VAV1: variants seen among roughly 807,000 people sequenced by gnomAD.
The protein encoded by VAV1 is vav guanine nucleotide exchange factor 1.
Under a neutral mutation model 128.1 loss-of-function variants are expected in VAV1, and 33 were observed. The ratio of observed to expected loss-of-function variants is 0.26; its 90% confidence interval spans 0.20 to 0.34. The LOEUF is 0.34. Ranked by LOEUF, VAV1 falls within the 10% of genes least tolerant of loss-of-function variation. The pLI, the probability that VAV1 is intolerant of heterozygous loss-of-function variation, is 1.00. For synonymous variants in VAV1, 394 were observed against 409.8 expected, an observed-to-expected ratio of 0.96 and a Z score of 0.47; for missense variants, 715 against 1,093.7, an observed-to-expected ratio of 0.65 and a Z score of 4.88.
chr19:6,826,667 G>T lies in VAV1; in HGVS notation c.883G>T (p.Asp295Tyr). 1 of 1,561,844 alleles carries T rather than the reference G, an allele frequency of 6.4e-7. No individual in the cohort carries two copies. Among genetic ancestry groups the T allele is most frequent in the South Asian group, 1.2e-5 (1 of 84,970 alleles). The change falls in exon 9 of 27, where the codon GAC (aspartate) becomes TAC (tyrosine). Residue 295 changes from aspartate (D) to tyrosine (Y), a missense_variant. This residue lies in a region of VAV1 where 302 missense variants were observed against 477.8 expected (regional missense o/e 0.63). Coordinates refer to ENST00000602142, the MANE Select transcript of VAV1 (RefSeq NM_005428.4). The surrounding 1 kb of genome is among the most constrained non-coding windows in gnomAD (Gnocchi z 4.1). The part of the protein sequence containing the change: ...SQVESASKHL[D>Y]RVAAAREDVQ... ...GGTGGAGTCAGCCAGCAAACACCTG[G>T]ACCGTGTGGCCGCAGCCCGGGAGGA...
rs767905021 is a variant in VAV1, at chr19:6,828,213, C to T, written c.1023+42C>T. The T allele has an allele frequency of 6.2e-7, 1 of 1,607,422 alleles. No individual in the cohort carries two copies. Among genetic ancestry groups the T allele is most frequent in the Non-Finnish European group, 8.5e-7 (1 of 1,174,940 alleles). ...TAGGCGTGGGCTCCACGTACCTACT[C>T]TCCTGTGTCTATAAAAGTGGGGACG... is the stretch of plus-strand genomic sequence containing the variant. On this transcript the variant is annotated intron_variant, in intron 10 of 26. Coordinates refer to ENST00000602142, the MANE Select transcript of VAV1 (RefSeq NM_005428.4). The surrounding 1 kb of genome is among the most constrained non-coding windows in gnomAD (Gnocchi z 4.5).
chr19:6,843,759 A>G (rs1239234921), intron 22 of VAV1, among the ~76,000 whole-genome samples: 1 of 152,112 alleles, frequency 6.6e-6, no homozygotes, highest in African/African-American at 2.4e-5. Context: ...GACTTTATAC[A>G]GCATTAGCTG....
intron 1 of VAV1, among the ~76,000 whole-genome samples, chr19:6,808,760 T>C (rs144402223): frequency 1.3e-5 from 2 of 152,354 alleles, no homozygotes; most frequent in Non-Finnish European, 2.9e-5. Context: ...ATATTTGTTA[T>C]TCCAATTAAT....
At chr19:6,815,086 T>G (rs1386685056) in intron 1 of VAV1, among the ~76,000 whole-genome samples, 2 of 152,096 alleles carry the variant, frequency 1.3e-5, no homozygotes, top group Non-Finnish European at 2.9e-5. Flanking sequence ...CAACAGAATC[T>G]ACCTAGAATT....
intron 9 of VAV1, among the ~76,000 whole-genome samples, chr19:6,827,831 C>G (rs188022427): frequency 1.3e-5 from 2 of 151,894 alleles, no homozygotes; most frequent in East Asian, 1.9e-4. Context: ...AACTCCTGAC[C>G]TCAAGTGATC....
intron 1 of VAV1, among the ~76,000 whole-genome samples, chr19:6,817,401 A>G (rs1971680242): frequency 6.6e-6 from 1 of 152,002 alleles, no homozygotes; most frequent in Admixed American, 6.6e-5. Flanking sequence ...GGCACAGAGT[A>G]GGGGTTGGCA....
intron 1 of VAV1, among the ~76,000 whole-genome samples, chr19:6,814,671 C>CCTTTCTTTCTTT (rs71177121): frequency 0.052 from 1,335 of 25,750 alleles, 129 homozygotes; most frequent in Middle Eastern, 0.087. Context: ...TTCCTTCCTT[C>CCTTTCTTTCTTT]CTTTCTTTCT....
intron 21 of VAV1, among the ~76,000 whole-genome samples, chr19:6,842,195 A>G (rs1002545716): frequency 6.6e-6 from 1 of 152,002 alleles, no homozygotes; most frequent in African/African-American, 2.4e-5. Context: ...GCGCCATTGC[A>G]CTCCAGCCTG....
chr19:6,796,851 C>A (rs1329635742), intron 1 of VAV1, among the ~76,000 whole-genome samples: 1 of 152,208 alleles, frequency 6.6e-6, no homozygotes, highest in East Asian at 1.9e-4. Context: ...AGAATATCAG[C>A]CCCTTGAGGG....
intron 15 of VAV1, 128 bp downstream of exon 15, chr19:6,832,328 G>A (rs1309526269): frequency 1.2e-6 from 1 of 863,720 alleles, no homozygotes; most frequent in East Asian, 2.7e-5. Flanking sequence ...CTCTTCATTT[G>A]GGAAATAAGA....
intron 21 of VAV1, among the ~76,000 whole-genome samples, chr19:6,838,078 C>T (rs1203612064): frequency 7.1e-6 from 1 of 141,114 alleles, no homozygotes; most frequent in African/African-American, 2.6e-5. Context: ...CCTTTCTGCC[C>T]TCATCTGTCT....
Position 6,831,498 on chromosome 19 carries a change from G to A in VAV1, c.1399-593G>A, listed in dbSNP as rs182391130. Among the ~76,000 whole-genome samples the A allele has an allele frequency of 4.4e-4, 67 of 152,244 alleles. 1 individual carries two copies. Among genetic ancestry groups the A allele is most frequent in the African/African-American group, 1.6e-3 (66 of 41,554 alleles). On this transcript the variant is annotated intron_variant, in intron 14 of 26. Transcript: ENST00000602142. ...AGCTAATTTTTTTGTATTTTTAGTA[G>A]AGACGGAGTTTCACCACATTGGTCA...
At chr19:6,855,891 A>G (rs1015472758) in intron 26 of VAV1, among the ~76,000 whole-genome samples, 5 of 152,016 alleles carry the variant, frequency 3.3e-5, no homozygotes, top group African/African-American at 1.2e-4. Context: ...CATCAATCCA[A>G]TAATCCATCC....
Position 6,825,385 on chromosome 19 carries a change from T to G in VAV1, c.806T>G (p.Val269Gly). ...GTPGAANLYQ[V>G]FIKYKERFLV... ...CCTGGCGCAGCCAATCTCTACCAGG[T>G]CTTCATCAAATACAAGGAGAGGTGA... Residue 269 changes from valine (V) to glycine (G), a missense_variant, in exon 8 of 27, where the codon GTC becomes GGC. This residue lies in a region of VAV1 where 302 missense variants were observed against 477.8 expected (regional missense o/e 0.63). Coordinates refer to ENST00000602142, the MANE Select transcript of VAV1 (RefSeq NM_005428.4). The G allele has an allele frequency of 6.2e-7, 1 of 1,613,292 alleles. No individual in the cohort carries two copies. Among genetic ancestry groups the G allele is most frequent in the Admixed American group, 1.7e-5 (1 of 59,994 alleles).
At position 6,826,573 on chromosome 19, in the gene VAV1, C is replaced by A; in HGVS notation, c.828-39C>A. Reference sequence around the variant, plus strand: ...CGCCAGCCTCTGCCCGACCTTGATGCCAGTCACCTTTACCTGGTGGCCTGT... The same window carrying A: ...CGCCAGCCTCTGCCCGACCTTGATGACAGTCACCTTTACCTGGTGGCCTGT... On this transcript the variant is annotated intron_variant, in intron 8 of 26. Transcript: ENST00000602142. This position sits in a 1 kb window ranked among gnomAD's most constrained non-coding sequence, Gnocchi z 4.1. 6.7e-7 allele frequency: 1 copy of A among 1,493,194 alleles called. No homozygotes were observed. Among genetic ancestry groups the A allele is most frequent in the Non-Finnish European group, 9.1e-7 (1 of 1,095,926 alleles). The allele number at this position is 1,493,194 out of a possible 1,614,324, so 92.5% of individuals were successfully genotyped here. A position where few individuals can be genotyped will look rare whatever the true frequency, so the allele number is the denominator to read the frequency against.
intron 1 of VAV1, among the ~76,000 whole-genome samples, chr19:6,798,698 T>A (rs1357032900): frequency 6.8e-6 from 1 of 146,678 alleles, no homozygotes; most frequent in African/African-American, 2.6e-5. Context: ...AAAGAAAGAA[T>A]CAGGGTCTCC....
chr19:6,796,637 C>A (rs28489348), intron 1 of VAV1, among the ~76,000 whole-genome samples: 1 of 152,228 alleles, frequency 6.6e-6, no homozygotes, highest in African/African-American at 2.4e-5. Flanking sequence ...AGACACCCAC[C>A]TGGATTGTCC....
Position 6,772,852 on chromosome 19 carries a change from G to C in VAV1, c.45G>C (p.Arg15=). The change falls in exon 1 of 27, where the codon CGG becomes CGC. Residue 15 remains arginine (R), a synonymous_variant. Coordinates refer to ENST00000602142, the MANE Select transcript of VAV1 (RefSeq NM_005428.4). The surrounding 1 kb of genome is among the most constrained non-coding windows in gnomAD (Gnocchi z 4.8). ...RQCTHWLIQC[R]VLPPSHRVTW... ...GCACCCACTGGCTCATCCAGTGCCG[G>C]GTGCTGCCGCCCAGCCACCGCGTGA... 3 of 1,614,052 alleles carry C rather than the reference G, an allele frequency of 1.9e-6. No homozygotes were observed. Among genetic ancestry groups the C allele is most frequent in the Non-Finnish European group, 1.7e-6 (2 of 1,179,968 alleles).
At chr19:6,793,338 AG>A (rs781419385) in intron 1 of VAV1, among the ~76,000 whole-genome samples, 27 of 151,416 alleles carry the variant, frequency 1.8e-4, no homozygotes, top group Non-Finnish European at 1.8e-4. Context: ...CATCTCAAAA[AG>A]AAAGAAAGAA....
Sources: allele counts gnomAD v4.1 joint callset (sites outside exome capture counted in the v4.1 genomes callset), GRCh38; gene constraint gnomAD v4.1.1; regional missense constraint gnomAD v4.1.1; non-coding constraint Gnocchi (gnomAD v3.1); transcripts MANE v1.5; gene names NCBI Gene and HGNC (gene_info 2026-07-23, HGNC 2026-07-21).